The following DOCK5 variants were observed in gnomAD, a reference collection of about 807,000 sequenced individuals.
The protein encoded by DOCK5 is dedicator of cytokinesis 5, also known as dedicator of cytokinesis protein 5.
DOCK5 carries 142 observed loss-of-function variants against 251.8 expected under a neutral mutation model. The ratio of observed to expected loss-of-function variants is 0.56; its 90% confidence interval spans 0.49 to 0.65. The LOEUF is 0.65. DOCK5 is among the 30% of genes least tolerant of loss of function. The probability of loss-of-function intolerance (pLI) is 0.00; values close to 1 mark genes in which losing one functional copy is unlikely to be tolerated. For missense variants in DOCK5, 2,111 were observed against 2,312.3 expected, an observed-to-expected ratio of 0.91 and a Z score of 1.79; for synonymous variants, 842 against 835.5, an observed-to-expected ratio of 1.01 and a Z score of -0.13.
At chr8:25,293,512 G>A (rs1396394307) in intron 6 of DOCK5, among the ~76,000 whole-genome samples, 1 of 152,180 alleles carries the variant, frequency 6.6e-6, no homozygotes, top group Admixed American at 6.5e-5. Flanking sequence ...GACCAAGTGA[G>A]CTTAAGTGAT....
At chr8:25,395,814 C>A in intron 45 of DOCK5, 95 bp downstream of exon 45, 2 of 1,326,912 alleles carry the variant, frequency 1.5e-6, no homozygotes, top group African/African-American at 1.5e-5. Flanking sequence ...TCATTTCCTA[C>A]AGCTGCTCTA....
At chr8:25,367,252 C>T (rs549208619) in intron 31 of DOCK5, among the ~76,000 whole-genome samples, 3 of 152,296 alleles carry the variant, frequency 2.0e-5, no homozygotes, top group East Asian at 1.9e-4. Context: ...AGAACAGCTG[C>T]GCCTCTGCTG....
At chr8:25,364,546 G>T in intron 29 of DOCK5, 80 bp from the exon 30 acceptor site, 4 of 1,037,538 alleles carry the variant, frequency 3.9e-6, no homozygotes, top group East Asian at 2.6e-5. Context: ...GGTTTGGTTT[G>T]GTTTAGTTCT....
chr8:25,257,253 C>G (rs886481301), intron 2 of DOCK5, among the ~76,000 whole-genome samples: 3 of 152,178 alleles, frequency 2.0e-5, no homozygotes, highest in African/African-American at 4.8e-5. Context: ...ACATCCCTCT[C>G]TATGCCAGGC....
At chr8:25,248,193 A>G (rs1004438082) in intron 2 of DOCK5, among the ~76,000 whole-genome samples, 1 of 152,190 alleles carries the variant, frequency 6.6e-6, no homozygotes, top group African/African-American at 2.4e-5. Flanking sequence ...AATCGTGCCT[A>G]CCTTGCCAGA....
In DOCK5 at chr8:25,310,673, C is replaced by T. The variant is rs1162623463; in HGVS notation, c.1318+141C>T. On this transcript the variant is annotated intron_variant, in intron 13 of 51. Transcript: ENST00000276440. ...GAGACACCTGGGACACAAACAGAGACACCTGCAATACTTAAACACTTAGGT... is the reference window on the plus strand; with the variant it reads ...GAGACACCTGGGACACAAACAGAGATACCTGCAATACTTAAACACTTAGGT... 3 of 922,818 alleles carry T rather than the reference C, an allele frequency of 3.3e-6. No individual in the cohort carries two copies. The African/African-American group carries it at 5.0e-5, about 15-fold the overall frequency. The allele number at this position is 922,818 out of a possible 1,614,324, so 57.2% of individuals were successfully genotyped here. A position where few individuals can be genotyped will look rare whatever the true frequency, so the allele number is the denominator to read the frequency against.
intron 1 of DOCK5, among the ~76,000 whole-genome samples, chr8:25,226,191 A>G (rs1802525320): frequency 6.6e-6 from 1 of 152,124 alleles, no homozygotes; most frequent in South Asian, 2.1e-4. Flanking sequence ...AAAATTTAAA[A>G]AGAGGGTAGT....
intron 4 of DOCK5, among the ~76,000 whole-genome samples, chr8:25,277,980 AG>A (rs1398837725): frequency 2.0e-5 from 3 of 152,208 alleles, no homozygotes; most frequent in Non-Finnish European, 4.4e-5. Flanking sequence ...GAATAAATGT[AG>A]TACCTACCTT....
chr8:25,370,258 G>A (rs1034058063), intron 34 of DOCK5, among the ~76,000 whole-genome samples: 1 of 152,232 alleles, frequency 6.6e-6, no homozygotes, highest in African/African-American at 2.4e-5. Flanking sequence ...ACACATAGGT[G>A]TTGGCCTCAG....
At chr8:25,218,328 A>G (rs1459744194) in intron 1 of DOCK5, among the ~76,000 whole-genome samples, 1 of 152,218 alleles carries the variant, frequency 6.6e-6, no homozygotes, top group African/African-American at 2.4e-5. Context: ...GGCTCTGATT[A>G]TCATAGGGCA....
At chr8:25,186,466 T>C (rs1396061933) in intron 1 of DOCK5, among the ~76,000 whole-genome samples, 1 of 151,498 alleles carries the variant, frequency 6.6e-6, no homozygotes, top group Non-Finnish European at 1.5e-5. Flanking sequence ...GCTCCACCTC[T>C]AGGTTCCAGC....
chr8:25,326,957 A>G lies in DOCK5; in HGVS notation c.1903+1410A>G, dbSNP rs547156279. ...TGAACTTTTTAACACTATATACAGT[A>G]TGATCCCAGTTTTATTTAAGTATAT... is the stretch of plus-strand genomic sequence containing the variant. On this transcript the variant is annotated intron_variant, in intron 18 of 51. Coordinates refer to ENST00000276440, the MANE Select transcript of DOCK5 (RefSeq NM_024940.8). Among the ~76,000 whole-genome samples, 4 of 152,348 alleles carry G rather than the reference A, an allele frequency of 2.6e-5. No homozygotes were observed. In the East Asian group the frequency reaches 7.7e-4, roughly 29 times the overall value.
intron 2 of DOCK5, among the ~76,000 whole-genome samples, chr8:25,256,484 C>G (rs1360843660): frequency 6.6e-6 from 1 of 151,776 alleles, no homozygotes; most frequent in African/African-American, 2.4e-5. Context: ...ACTAAAAATA[C>G]AAAAATTAGC....
At chr8:25,242,924 C>T (rs149187581) in intron 1 of DOCK5, among the ~76,000 whole-genome samples, 99 of 152,244 alleles carry the variant, frequency 6.5e-4, no homozygotes, top group African/African-American at 2.2e-3. Context: ...GGACATGGCT[C>T]GCCTGTGTAC....
intron 1 of DOCK5, among the ~76,000 whole-genome samples, chr8:25,202,635 C>G (rs1338181430): frequency 6.6e-6 from 1 of 152,150 alleles, no homozygotes; most frequent in South Asian, 2.1e-4. Context: ...CCGCCTTATC[C>G]TCAAGGCATG....
In DOCK5 at chr8:25,374,650, T is replaced by C; in HGVS notation, c.3812T>C (p.Leu1271Pro). ...AYTLLLHAEL[L>P]QWSDKPCVPH... ...ACGCTTCTCTTGCACGCTGAGCTTCTGCAGGTGAATGGCTCAGAGAGCTTG... is the reference window on the plus strand; with the variant it reads ...ACGCTTCTCTTGCACGCTGAGCTTCCGCAGGTGAATGGCTCAGAGAGCTTG... Residue 1271 changes from leucine (L) to proline (P), a missense_variant, in exon 37 of 52, where the codon CTG becomes CCG. By Grantham distance (98) the Leu-to-Pro change is moderately conservative. This residue lies in a region of DOCK5 where 1,717 missense variants were observed against 1,892.4 expected (regional missense o/e 0.91). Transcript: ENST00000276440. 1 of 1,613,954 alleles carries C rather than the reference T, an allele frequency of 6.2e-7. No individual in the cohort carries two copies. The highest frequency in any genetic ancestry group is 8.5e-7 in the Non-Finnish European group (1 of 1,179,858).
At position 25,381,836 on chromosome 8, in the gene DOCK5, C is replaced by T. The variant is rs529836389; in HGVS notation, c.4027-838C>T. 5.3e-5 allele frequency among the ~76,000 whole-genome samples: 8 copies of T among 152,104 alleles called. No individual in the cohort carries two copies. In the East Asian group the frequency reaches 9.7e-4, roughly 18 times the overall value. The stretch of plus-strand genomic sequence containing the variant: ...GCTATTTTGCTTTCTTTAAGGCTGA[C>T]CTTGTGAGCCAAAGCTGGAAAGCCC... On this transcript the variant is annotated intron_variant, in intron 39 of 51. Coordinates refer to ENST00000276440, the MANE Select transcript of DOCK5 (RefSeq NM_024940.8).
chr8:25,254,310 TA>T (rs892567700), intron 2 of DOCK5, among the ~76,000 whole-genome samples: 13 of 152,178 alleles, frequency 8.5e-5, no homozygotes, highest in African/African-American at 2.9e-4. Flanking sequence ...TGGAGAAATG[TA>T]AATGACTTTT....
Position 25,187,552 on chromosome 8 carries a change from C to T in DOCK5, c.43+2601C>T, listed in dbSNP as rs116046552. ...ATAAATTAACTGAAGAGAGAAATCTCCATTGCTTATTGCTAAAACTCATTG... is the reference window on the plus strand; with the variant it reads ...ATAAATTAACTGAAGAGAGAAATCTTCATTGCTTATTGCTAAAACTCATTG... On this transcript the variant is annotated intron_variant, in intron 1 of 51. Coordinates refer to ENST00000276440, the MANE Select transcript of DOCK5 (RefSeq NM_024940.8). 8.2e-3 allele frequency among the ~76,000 whole-genome samples: 1,249 copies of T among 151,440 alleles called. 28 individuals are homozygous for T. Among genetic ancestry groups the T allele is most frequent in the African/African-American group, 0.029 (1,192 of 41,082 alleles).
Sources: allele counts gnomAD v4.1 joint callset (sites outside exome capture counted in the v4.1 genomes callset), GRCh38; gene constraint gnomAD v4.1.1; regional missense constraint gnomAD v4.1.1; transcripts MANE v1.5; gene names NCBI Gene and HGNC (gene_info 2026-07-23, HGNC 2026-07-21).